The following SYT1 variants were observed in gnomAD, a reference collection of about 807,000 sequenced individuals.
SYT1 encodes the protein synaptotagmin-1.
In SYT1, 8 loss-of-function variants were observed where a neutral mutation model predicts 44.8. The ratio of observed to expected loss-of-function variants is 0.18; its 90% CI spans 0.10 to 0.32. SYT1 has a LOEUF of 0.32. Among genes scored for constraint, SYT1 ranks in the 10% least tolerant of loss-of-function variants. The pLI, the probability that SYT1 is intolerant of heterozygous loss-of-function variation, is 1.00. For synonymous variants in SYT1, 154 were observed against 188.8 expected (o/e 0.82, Z 1.51); for missense variants, 286 against 509.3 (o/e 0.56, Z 4.22).
At chr12:79,280,308 A>G (rs564545557) in intron 4 of SYT1, among the ~76,000 whole-genome samples, 94 of 152,204 alleles carry the variant, frequency 6.2e-4, no homozygotes, top group African/African-American at 2.2e-3. Flanking sequence ...AAGTAGACAT[A>G]TAGACCAATG....
chr12:79,300,023 C>T (rs552339499), intron 8 of SYT1, among the ~76,000 whole-genome samples: 9 of 152,214 alleles, frequency 5.9e-5, no homozygotes, highest in African/African-American at 1.7e-4. Context: ...CCTAAAGATA[C>T]GAGAGCATGA....
At chr12:79,254,818 G>A (rs1209761602) in intron 4 of SYT1, among the ~76,000 whole-genome samples, 1 of 152,196 alleles carries the variant, frequency 6.6e-6, no homozygotes, top group African/African-American at 2.4e-5. Context: ...ATGCAGATGT[G>A]ATAATGGCAA....
chr12:78,973,340 C>T (rs927959203), intron 1 of SYT1, among the ~76,000 whole-genome samples: 6 of 152,100 alleles, frequency 3.9e-5, no homozygotes, highest in Non-Finnish European at 7.4e-5. Flanking sequence ...TACAGTAGAT[C>T]TCCTGAACTT....
chr12:79,393,903 T>C (rs921576863), intron 9 of SYT1: 1 of 152,216 alleles, frequency 6.6e-6, no homozygotes, highest in Non-Finnish European at 1.5e-5. Context: ...CACTCCATCC[T>C]TCTCTCTGAT....
intron 3 of SYT1, among the ~76,000 whole-genome samples, chr12:79,164,350 G>A (rs1321015815): frequency 6.6e-6 from 1 of 152,074 alleles, no homozygotes; most frequent in African/African-American, 2.4e-5. Flanking sequence ...AAACTAGATT[G>A]CCCTCTCATT....
At chr12:79,315,718 A>G (rs1463566802) in intron 8 of SYT1, among the ~76,000 whole-genome samples, 1 of 152,070 alleles carries the variant, frequency 6.6e-6, no homozygotes, top group Non-Finnish European at 1.5e-5. Flanking sequence ...CCTTATTACC[A>G]TTTCTATTGA....
intron 8 of SYT1, among the ~76,000 whole-genome samples, chr12:79,310,258 A>T (rs1448242390): frequency 6.6e-6 from 1 of 152,074 alleles, no homozygotes; most frequent in African/African-American, 2.4e-5. Context: ...TCCCAGCACC[A>T]TTTATTAAAT....
chr12:79,356,244 G>A (rs1883107928), intron 9 of SYT1, among the ~76,000 whole-genome samples: 1 of 151,664 alleles, frequency 6.6e-6, no homozygotes, highest in Admixed American at 6.6e-5. Flanking sequence ...ACCTACTCAT[G>A]AGGTCTTAAG....
intron 3 of SYT1, among the ~76,000 whole-genome samples, chr12:79,111,557 C>A (rs1879011927): frequency 6.6e-6 from 1 of 152,034 alleles, no homozygotes; most frequent in Admixed American, 6.6e-5. Context: ...AGACTCAACA[C>A]TCAAGAAGTA....
At chr12:79,322,004 G>A (rs1012258453) in intron 8 of SYT1, among the ~76,000 whole-genome samples, 3 of 152,144 alleles carry the variant, frequency 2.0e-5, no homozygotes, top group African/African-American at 7.2e-5. Context: ...GAGTGCAGTT[G>A]ATTGTTCCTC....
chr12:79,137,356 A>G (rs552125388), intron 3 of SYT1, among the ~76,000 whole-genome samples: 1 of 152,212 alleles, frequency 6.6e-6, no homozygotes, highest in Non-Finnish European at 1.5e-5. Flanking sequence ...CCAACCTCCC[A>G]AAGTGCTGGG....
At chr12:78,904,687 T>C (rs183420604) in intron 1 of SYT1, among the ~76,000 whole-genome samples, 2 of 152,252 alleles carry the variant, frequency 1.3e-5, no homozygotes, top group East Asian at 3.9e-4. Flanking sequence ...ATGCAAAATC[T>C]GCTCCATTAC....
intron 9 of SYT1, among the ~76,000 whole-genome samples, chr12:79,434,764 G>A (rs898795075): frequency 6.6e-6 from 1 of 152,078 alleles, no homozygotes; most frequent in African/African-American, 2.4e-5. Flanking sequence ...ACAAGTTTAG[G>A]CAGAGATGGT....
intron 9 of SYT1, among the ~76,000 whole-genome samples, chr12:79,410,389 G>A (rs371214614): frequency 1.3e-5 from 2 of 151,216 alleles, no homozygotes; most frequent in East Asian, 3.9e-4. Context: ...CGAGAATTCA[G>A]TCATGGGTTC....
intron 8 of SYT1, among the ~76,000 whole-genome samples, chr12:79,323,806 A>T (rs1881478511): frequency 6.6e-6 from 1 of 151,314 alleles, no homozygotes; most frequent in African/African-American, 2.4e-5. Flanking sequence ...AGCAAAATAT[A>T]AAATTATATA....
chr12:79,104,236 T>G (rs1420012149), intron 3 of SYT1, among the ~76,000 whole-genome samples: 1 of 152,064 alleles, frequency 6.6e-6, no homozygotes, highest in Admixed American at 6.6e-5. Flanking sequence ...AGTTCTTTTT[T>G]CAAATTTAAT....
At chr12:79,331,905 T>C (rs1353301135) in intron 8 of SYT1, among the ~76,000 whole-genome samples, 1 of 152,178 alleles carries the variant, frequency 6.6e-6, no homozygotes, top group Admixed American at 6.5e-5. Flanking sequence ...ATTTTTCTCA[T>C]TTACATTTTT....
At chr12:79,343,910 G>A (rs943910443) in intron 8 of SYT1, among the ~76,000 whole-genome samples, 4 of 152,174 alleles carry the variant, frequency 2.6e-5, no homozygotes, top group African/African-American at 9.7e-5. Flanking sequence ...AAAAAGAACT[G>A]AGTGCATTTA....
chr12:79,225,913 C>A (rs1390508832), intron 4 of SYT1, among the ~76,000 whole-genome samples: 1 of 152,154 alleles, frequency 6.6e-6, no homozygotes, highest in Non-Finnish European at 1.5e-5. Flanking sequence ...TATTTCCCAC[C>A]ATATTACTTA....
Sources: allele counts gnomAD v4.1 joint callset (sites outside exome capture counted in the v4.1 genomes callset), GRCh38; gene constraint gnomAD v4.1.1; transcripts MANE v1.5; gene names NCBI Gene and HGNC (gene_info 2026-07-23, HGNC 2026-07-21).